ACBD4: variants seen among roughly 807,000 people sequenced by gnomAD.
ACBD4 encodes acyl-CoA-binding domain-containing protein 4.
A neutral mutation model predicts 46.0 loss-of-function variants in ACBD4; 41 were observed. That is an observed-to-expected ratio of 0.89 (90% confidence interval 0.69 to 1.16). The LOEUF is 1.16. ACBD4 is among the 50% of genes most tolerant of loss of function. The pLI, the probability that ACBD4 is intolerant of heterozygous loss-of-function variation, is 0.00. For missense variants in ACBD4, 393 were observed against 399.5 expected (o/e 0.98, Z 0.14); for synonymous variants, 162 against 155.9 (o/e 1.04, Z -0.29).
At chr17:45,131,993 G>A (rs545761683), upstream of ACBD4, among the ~76,000 whole-genome samples, 1 of 152,272 alleles carries the variant, frequency 6.6e-6, no homozygotes, top group Admixed American at 6.5e-5. Context: ...CCCCGTGCCC[G>A]AATTCGCGCT....
intron 9 of ACBD4, 95 bp downstream of exon 9, chr17:45,139,255 T>A: frequency 1.6e-6 from 2 of 1,263,278 alleles, no homozygotes; most frequent in Non-Finnish European, 2.3e-6. Context: ...TCCTCACGCC[T>A]CCACCTGCCC....
intron 4 of ACBD4, 29 bp from the exon 5 acceptor site, chr17:45,136,990 C>T: frequency 6.2e-7 from 1 of 1,613,622 alleles, no homozygotes; most frequent in South Asian, 1.1e-5. Flanking sequence ...GGAGGCCACT[C>T]CGTCCCCAAC....
rs369374775 is a variant in ACBD4 at position 45,143,599 on chromosome 17, A to G, written c.*28A>G. The G allele has an allele frequency of 3.1e-6, 5 of 1,613,984 alleles. No individual in the cohort carries two copies. Among genetic ancestry groups the G allele is most frequent in the Admixed American group, 1.7e-5 (1 of 60,024 alleles). On this transcript the variant is annotated 3_prime_UTR_variant, in exon 10 of 10. Transcript: ENST00000321854. ...GTCAGTGGAGGGGTCTCTGCAGCCA[A>G]CTGAGACTATCTTGCTGTGCCCTGA... is the stretch of plus-strand genomic sequence containing the variant.
At position 45,143,768 on chromosome 17, in the gene ACBD4, C is replaced by T. The variant is rs540011143; in HGVS notation, c.*197C>T. On this transcript the variant is annotated 3_prime_UTR_variant, in exon 10 of 10. Coordinates refer to ENST00000321854, the MANE Select transcript of ACBD4 (RefSeq NM_001135705.3). ...CTTCACAGGGACGCTTCCTTCCCTC[C>T]CCGCAACCACCCCAGGCTCCCCTGG... 7.0e-6 allele frequency: 6 copies of T among 856,658 alleles called. No individual in the cohort carries two copies. The African/African-American group carries it at 8.6e-5, about 12-fold the overall frequency. The allele number at this position is 856,658 out of a possible 1,614,324, so 53.1% of individuals were successfully genotyped here. A position where few individuals can be genotyped will look rare whatever the true frequency, so the allele number is the denominator to read the frequency against.
intron 5 of ACBD4, 28 bp from the exon 6 acceptor site, chr17:45,137,340 C>A: frequency 6.2e-7 from 1 of 1,613,368 alleles, no homozygotes; most frequent in Non-Finnish European, 8.5e-7. Flanking sequence ...TCTCCCCAGG[C>A]CCACCTCTGG....
intron 5 of ACBD4, 24 bp downstream of exon 5, chr17:45,137,163 C>T: frequency 6.2e-7 from 1 of 1,613,808 alleles, no homozygotes; most frequent in Non-Finnish European, 8.5e-7. Flanking sequence ...GCTGGGAGCT[C>T]CAAAAGTGCT....
At chr17:45,136,864 G>A in intron 4 of ACBD4, 88 bp downstream of exon 4, 1 of 1,585,636 alleles carries the variant, frequency 6.3e-7, no homozygotes, top group Non-Finnish European at 8.6e-7. Context: ...TCCTACACAT[G>A]GACCCCCTCA....
chr17:45,132,171 C>G (rs1188231851), upstream of ACBD4: 1 of 1,219,296 alleles, frequency 8.2e-7, no homozygotes, highest in Non-Finnish European at 1.0e-6. This position sits in a 1 kb window ranked among gnomAD's most constrained non-coding sequence, Gnocchi z 4.6. Flanking sequence ...AATCCACGAA[C>G]TGCTCCCTGG....
At chr17:45,141,562 A>C (rs1422898444) in intron 9 of ACBD4, among the ~76,000 whole-genome samples, 1 of 152,080 alleles carries the variant, frequency 6.6e-6, no homozygotes, top group Non-Finnish European at 1.5e-5. Flanking sequence ...TGTGGACTGA[A>C]GCAGGAGGAT....
chr17:45,141,382 G>A (rs2055263898), intron 9 of ACBD4, among the ~76,000 whole-genome samples: 1 of 152,040 alleles, frequency 6.6e-6, no homozygotes, highest in African/African-American at 2.4e-5. Context: ...CTAAACACTT[G>A]ATTAGAGTCA....
chr17:45,137,556 T>C, intron 6 of ACBD4, 102 bp downstream of exon 6: 1 of 1,429,692 alleles, frequency 7.0e-7, no homozygotes, highest in Middle Eastern at 1.8e-4. Context: ...CACTGAGACT[T>C]CCTGTGCTCC....
chr17:45,134,929 AGCCTCTG>A (rs2054709563), upstream of ACBD4, among the ~76,000 whole-genome samples: 2 of 146,356 alleles, frequency 1.4e-5, no homozygotes, highest in South Asian at 4.4e-4. Context: ...TACCCTTCCC[AGCCTCTG>A]GTAACCATCA....
chr17:45,136,109 G>A lies in ACBD4; in HGVS notation c.-36G>A, dbSNP rs200345749. On this transcript the variant is annotated splice_region_variant and 5_prime_UTR_variant, in exon 2 of 10. Coordinates refer to ENST00000321854, the MANE Select transcript of ACBD4 (RefSeq NM_001135705.3). Reference sequence around the variant, plus strand: ...TCACACGAAGGCTGCTTCTTGCAGAGTCGCTCAAAAGTAGGGCCCCAGGGC... The same window carrying A: ...TCACACGAAGGCTGCTTCTTGCAGAATCGCTCAAAAGTAGGGCCCCAGGGC... 7 of 1,608,338 alleles carry A rather than the reference G, an allele frequency of 4.4e-6. No homozygotes were observed. The African/African-American group carries it at 5.3e-5, about 12-fold the overall frequency.
upstream of ACBD4, chr17:45,132,280 T>C (rs377507691): frequency 3.5e-5 from 44 of 1,274,342 alleles, no homozygotes; most frequent in Non-Finnish European, 4.2e-5. This position sits in a 1 kb window ranked among gnomAD's most constrained non-coding sequence, Gnocchi z 4.6. Flanking sequence ...CCCGGGCCTC[T>C]TGGTGCCGCC....
At chr17:45,139,576 G>A in intron 9 of ACBD4, among the ~76,000 whole-genome samples, 1 of 152,114 alleles carries the variant, frequency 6.6e-6, no homozygotes, top group East Asian at 1.9e-4. Context: ...AGCTCTGCTT[G>A]CCTCTGACAC....
Position 45,136,179 on chromosome 17 carries a change from G to A in ACBD4, c.35G>A (p.Cys12Tyr). 1 of 1,613,696 alleles carries A rather than the reference G, an allele frequency of 6.2e-7. No homozygotes were observed. The highest frequency in any genetic ancestry group is 8.5e-7 in the Non-Finnish European group (1 of 1,179,838). Reference sequence around the variant, plus strand: ...GAGAAAGAAAGCCCAGAGCCCGACTGCCAGAAACAGTTCCAGGCTGCAGTG... The same window carrying A: ...GAGAAAGAAAGCCCAGAGCCCGACTACCAGAAACAGTTCCAGGCTGCAGTG... The part of the protein sequence containing the change: ...GTEKESPEPD[C>Y]QKQFQAAVSV... Residue 12 changes from cysteine to tyrosine, a missense_variant, in exon 2 of 10, where the codon TGC becomes TAC. Transcript: ENST00000321854.
In ACBD4 at chr17:45,139,115, G is replaced by A. The variant is rs1009074243; in HGVS notation, c.744G>A (p.Gln248=). Reference sequence around the variant, plus strand: ...TACAGGAGAGCATGCAGGAGGTGCAGGCGAGGGTGCAGAGCCTGGAGAGCA... The same window carrying A: ...TACAGGAGAGCATGCAGGAGGTGCAAGCGAGGGTGCAGAGCCTGGAGAGCA... ...RALQESMQEV[Q]ARVQSLESMP... is the part of the protein sequence containing the mutation. Residue 248 remains glutamine (Q), a synonymous_variant, in exon 9 of 10, where the codon CAG becomes CAA. Transcript: ENST00000321854. 8 of 1,613,738 alleles carry A rather than the reference G, an allele frequency of 5.0e-6. No homozygotes were observed. The South Asian group carries it at 8.8e-5, about 18-fold the overall frequency.
Position 45,143,568 on chromosome 17 carries a change from G to A in ACBD4, c.915G>A (p.Arg305=), listed in dbSNP as rs750959816. The A allele has an allele frequency of 1.2e-6, 2 of 1,614,100 alleles. No homozygotes were observed. The highest frequency in any genetic ancestry group is 2.2e-5 in the East Asian group (1 of 44,874). The change falls in exon 10 of 10, where the codon AGG becomes AGA. Residue 305 remains arginine (R), a synonymous_variant. Transcript: ENST00000321854. The part of the protein sequence containing the change: ...WLFRMFRTQK[R] ...TCCGAATGTTTCGGACCCAAAAGAG[G>A]TGACTGTCAGTGGAGGGGTCTCTGC... is the stretch of plus-strand genomic sequence containing the variant.
Position 45,137,823 on chromosome 17 carries a change from C to T in ACBD4, c.566C>T (p.Pro189Leu). 6.2e-7 allele frequency: 1 copy of T among 1,613,970 alleles called. No homozygotes were observed. The highest frequency in any genetic ancestry group is 8.5e-7 in the Non-Finnish European group (1 of 1,179,916). The change falls in exon 7 of 10, where the codon CCT becomes CTT. Residue 189 changes from proline to leucine, a missense_variant. Physicochemically the swap from Pro to Leu is moderately conservative, Grantham distance 98. Transcript: ENST00000321854. The stretch of plus-strand genomic sequence containing the variant: ...TGTGATTCCCTGGAGCAGCTGGAGC[C>T]TGAGCTGGTGAGCCCAGTCCCCATT... The part of the protein sequence containing the change: ...VFCDSLEQLE[P>L]ELVWTEQRAA...
Sources: gnomAD v4.1 joint callset for allele counts (sites outside exome capture counted in the v4.1 genomes callset) on GRCh38, gnomAD v4.1.1 for gene constraint, Gnocchi (gnomAD v3.1) non-coding constraint, MANE v1.5 for transcripts, NCBI Gene and HGNC (gene_info 2026-07-23, HGNC 2026-07-21) for gene names.